Variants in MGAM observed in about 807,000 individuals in gnomAD.
The protein encoded by MGAM is maltase-glucoamylase, also known as alpha-1,4-glucosidase.
Under a neutral mutation model 358.8 loss-of-function variants are expected in MGAM, and 253 were observed. The observed-to-expected ratio is 0.71, with a 90% CI of 0.64 to 0.78. The LOEUF (loss-of-function observed/expected upper bound fraction) is 0.78, where lower values mean the gene tolerates loss of function less well. Among genes scored for constraint, MGAM ranks in the 30% least tolerant of loss-of-function variants. MGAM has a pLI of 0.00. For missense variants in MGAM, 3,080 were observed against 3,432.6 expected, an observed-to-expected ratio of 0.90 and a Z score of 2.57; for synonymous variants, 1,105 against 1,227.1, an observed-to-expected ratio of 0.90 and a Z score of 2.08.
chr7:142,081,749 A>G lies in MGAM; in HGVS notation c.6003-293A>G, dbSNP rs532269570. Among the ~76,000 whole-genome samples the G allele has an allele frequency of 3.5e-4, 51 of 145,726 alleles. 5 individuals carry two copies. The highest frequency in any genetic ancestry group is 3.6e-3 in the Middle Eastern group (1 of 280). On this transcript the variant is annotated intron_variant, in intron 50 of 70. Transcript: ENST00000475668. ...AATGCGCTGAGGGGTGCAAGGGTGGAAGGCAGTGCTGGTGTGGAGTGTTCC... is the reference window on the plus strand; with the variant it reads ...AATGCGCTGAGGGGTGCAAGGGTGGGAGGCAGTGCTGGTGTGGAGTGTTCC...
At chr7:142,097,536 G>C in intron 65 of MGAM, 57 bp from the exon 66 acceptor site, 1 of 1,532,972 alleles carries the variant, frequency 6.5e-7, no homozygotes, top group South Asian at 1.1e-5. Flanking sequence ...AAGTATTTTG[G>C]TTTCTCTGTC....
In MGAM at chr7:142,034,279, C is replaced by T; in HGVS notation, c.1687C>T (p.Leu563=). Reference sequence around the variant, plus strand: ...TGTTTCAGGAATCCTGGATGGGTACCTGTTCTGCAAGACTCTCTGTATGGA... The same window carrying T: ...TGTTTCAGGAATCCTGGATGGGTACTTGTTCTGCAAGACTCTCTGTATGGA... The part of the protein sequence containing the change: ...PFTPRILDGY[L]FCKTLCMDAV... Residue 563 remains leucine (L), a synonymous_variant, in exon 15 of 71, where the codon CTG becomes TTG. Transcript: ENST00000475668. 1 of 1,594,432 alleles carries T rather than the reference C, an allele frequency of 6.3e-7. No individual in the cohort carries two copies. The highest frequency in any genetic ancestry group is 8.5e-7 in the Non-Finnish European group (1 of 1,169,966).
intron 7 of MGAM, among the ~76,000 whole-genome samples, chr7:142,024,356 G>A (rs577759043): frequency 2.0e-5 from 3 of 151,536 alleles, no homozygotes; most frequent in Admixed American, 6.6e-5. Context: ...GGAGGTTACC[G>A]TGAGCCAAGA....
At position 142,078,233 on chromosome 7, in the gene MGAM, AAAAT is replaced by A. The variant is rs368614883; in HGVS notation, c.5494-69_5494-66del. ...TGGACTGATGTCTATTTGTTTTTCCAAAATAAATAAATAAATAAAGTCTTAGATT... is the reference window on the plus strand; with the variant it reads ...TGGACTGATGTCTATTTGTTTTTCCAAAATAAATAAATAAAGTCTTAGATT... On this transcript the variant is annotated intron_variant, in intron 47 of 70. Coordinates refer to ENST00000475668, the MANE Select transcript of MGAM (RefSeq NM_001365693.1). 133 of 1,121,510 alleles carry A rather than the reference AAAAT, an allele frequency of 1.2e-4. 1 individual carries two copies. The highest frequency in any genetic ancestry group is 2.0e-4 in the Middle Eastern group (1 of 4,918). 69.5% of individuals were successfully genotyped at this position (1,121,510 alleles called of 1,614,324 possible).
At position 142,084,532 on chromosome 7, in the gene MGAM, C is replaced by A. The variant is rs1160022772; in HGVS notation, c.6395C>A (p.Pro2132His). The A allele has an allele frequency of 6.4e-7, 1 of 1,555,440 alleles. No individual in the cohort carries two copies. Among genetic ancestry groups the A allele is most frequent in the Non-Finnish European group, 8.8e-7 (1 of 1,132,148 alleles). ...TQQYTELIGR[P>H]VMVPYWSLGF... ...TCTATTTTCTAGTTGATTGGCCGGC[C>A]TGTGATGGTACCTTACTGGTCTTTG... is the stretch of plus-strand genomic sequence containing the variant. Residue 2132 changes from proline to histidine, a missense_variant, in exon 54 of 71, where the codon CCT (proline) becomes CAT (histidine). Around this residue, in one of 5 missense-constraint regions of MGAM, gnomAD observed 932 missense variants for 1,198.2 expected, o/e 0.78. Transcript: ENST00000475668.
At chr7:142,056,363 C>T (rs1039749124) in intron 29 of MGAM, among the ~76,000 whole-genome samples, 2 of 152,206 alleles carry the variant, frequency 1.3e-5, no homozygotes, top group South Asian at 4.2e-4. Flanking sequence ...GAGGGCAGCT[C>T]GTGAGAGCCA....
At chr7:142,001,954 A>T (rs1804773457) in intron 1 of MGAM, among the ~76,000 whole-genome samples, 1 of 152,206 alleles carries the variant, frequency 6.6e-6, no homozygotes. Flanking sequence ...AAGAAATTGT[A>T]GTTTCATTTT....
At chr7:142,100,249 A>C (rs1295571988) in intron 67 of MGAM, among the ~76,000 whole-genome samples, 1 of 152,232 alleles carries the variant, frequency 6.6e-6, no homozygotes, top group African/African-American at 2.4e-5. Context: ...GGAAAACATA[A>C]ATTCTGTGAG....
rs1385657483 is a variant in MGAM at position 142,100,819 on chromosome 7, G to A, written c.7892G>A (p.Gly2631Asp). Reference protein sequence around the residue: ...NTHLSRQKFMGFKIALDDEGT... With the variant: ...NTHLSRQKFMDFKIALDDEGT... ...CACTGCAGCCGCCAGAAATTCATGG[G>A]CTTCAAAATTGCCTTGGATGATGAA... The change falls in exon 68 of 71, where the codon GGC (glycine) becomes GAC (aspartate). Residue 2631 changes from glycine (G) to aspartate (D), a missense_variant. By Grantham distance (94) the Gly-to-Asp change is moderately conservative. Around this residue, in one of 5 missense-constraint regions of MGAM, gnomAD observed 194 missense variants for 172.8 expected, o/e 1.12. Transcript: ENST00000475668. 1.2e-6 allele frequency: 2 copies of A among 1,612,388 alleles called. No homozygotes were observed. The highest frequency in any genetic ancestry group is 1.7e-6 in the Non-Finnish European group (2 of 1,179,340).
chr7:142,057,510 G>A (rs1381598035), intron 30 of MGAM, among the ~76,000 whole-genome samples: 1 of 144,402 alleles, frequency 6.9e-6, no homozygotes, highest in Non-Finnish European at 1.5e-5. Context: ...TGTGGTGATA[G>A]TGGTGATGGT....
In MGAM at chr7:142,085,966, G is replaced by A. The variant is rs1305178009; in HGVS notation, c.6636+5G>A. On this transcript the variant is annotated splice_donor_5th_base_variant and intron_variant, in intron 55 of 70. Coordinates refer to ENST00000475668, the MANE Select transcript of MGAM (RefSeq NM_001365693.1). ...ATGCGGGTCATCCTCATTCTGGTTA[G>A]TCCTGATGTGAATGTGTGCGGTCTG... 1 of 1,563,286 alleles carries A rather than the reference G, an allele frequency of 6.4e-7. No individual in the cohort carries two copies. The highest frequency in any genetic ancestry group is 2.3e-5 in the East Asian group (1 of 43,964).
In MGAM at chr7:142,074,115, C is replaced by A; in HGVS notation, c.5217C>A (p.Ala1739=). ...SRKNPLGLII[A]LDENKEAKGE... ...AGAACCCTCTTGGTCTTATTATTGCCCTAGATGAAAACAAAGAAGCAAAAG... is the reference window on the plus strand; with the variant it reads ...AGAACCCTCTTGGTCTTATTATTGCACTAGATGAAAACAAAGAAGCAAAAG... The change falls in exon 45 of 71, where the codon GCC becomes GCA. Residue 1739 remains alanine (A), a synonymous_variant. Transcript: ENST00000475668. 6.5e-7 allele frequency: 1 copy of A among 1,544,580 alleles called. No homozygotes were observed. The highest frequency in any genetic ancestry group is 8.9e-7 in the Non-Finnish European group (1 of 1,125,928).
intron 21 of MGAM, among the ~76,000 whole-genome samples, chr7:142,041,845 C>T (rs1423773506): frequency 1.6e-5 from 2 of 122,762 alleles, no homozygotes; most frequent in Non-Finnish European, 3.3e-5. Context: ...CTGCCACTTT[C>T]AAGTTTCTGG....
chr7:142,021,599 C>T lies in MGAM; in HGVS notation c.572C>T (p.Thr191Ile), dbSNP rs1040384722. Reference protein sequence around the residue: ...NRFHFKLTDQTNNRFEVPHEH... With the variant: ...NRFHFKLTDQINNRFEVPHEH... ...ATCTCTGCACAGTTGACTGACCAAA[C>T]CAATAACAGGTTTGAAGTGCCCCAC... Residue 191 changes from threonine to isoleucine, a missense_variant, in exon 6 of 71, where the codon ACC becomes ATC. Coordinates refer to ENST00000475668, the MANE Select transcript of MGAM (RefSeq NM_001365693.1). The T allele has an allele frequency of 2.5e-6, 4 of 1,613,842 alleles. No homozygotes were observed. The highest frequency in any genetic ancestry group is 3.4e-6 in the Non-Finnish European group (4 of 1,179,802).
rs749121609 is a variant in MGAM, at chr7:142,054,883, C to T, written c.3289C>T (p.Arg1097Cys). ...GAAGAATCCATTTGGGATTGAAATT[C>T]GCCGGAAGAGTACAGGCACTATAAT... is the stretch of plus-strand genomic sequence containing the variant. Reference protein sequence around the residue: ...IKKNPFGIEIRRKSTGTIIWD... With the variant: ...IKKNPFGIEICRKSTGTIIWD... Residue 1097 changes from arginine to cysteine, a missense_variant, in exon 27 of 71, where the codon CGC (arginine) becomes TGC (cysteine). Arg to Cys is a radical substitution (Grantham distance 180, BLOSUM62 -3). This residue lies in a region of MGAM where 1,816 missense variants were observed against 1,840.5 expected (regional missense o/e 0.99). Coordinates refer to ENST00000475668, the MANE Select transcript of MGAM (RefSeq NM_001365693.1). 11 of 1,613,858 alleles carry T rather than the reference C, an allele frequency of 6.8e-6. No individual in the cohort carries two copies. Among genetic ancestry groups the T allele is most frequent in the Admixed American group, 5.0e-5 (3 of 60,020 alleles).
At chr7:142,080,317 A>G (rs1814142513) in intron 49 of MGAM, among the ~76,000 whole-genome samples, 1 of 146,230 alleles carries the variant, frequency 6.8e-6, no homozygotes, top group African/African-American at 2.4e-5. Flanking sequence ...TCACATCCCT[A>G]GTGTCTTGTG....
intron 27 of MGAM, 55 bp downstream of exon 27, chr7:142,054,963 A>G (rs1232573073): frequency 6.3e-7 from 1 of 1,575,320 alleles, no homozygotes; most frequent in East Asian, 2.2e-5. Flanking sequence ...CTTCGCTGCC[A>G]GGTCCATTGT....
chr7:141,996,473 G>T (rs1366894719), intron 1 of MGAM, among the ~76,000 whole-genome samples: 1 of 152,092 alleles, frequency 6.6e-6, no homozygotes, highest in African/African-American at 2.4e-5. Flanking sequence ...CCTGATTGTA[G>T]TGAAACCTGT....
chr7:142,050,185 C>T (rs1425819745), intron 22 of MGAM, 50 bp from the exon 23 acceptor site: 4 of 1,582,816 alleles, frequency 2.5e-6, no homozygotes, highest in Non-Finnish European at 3.5e-6. Context: ...GAAATCTGTT[C>T]TTCTGAGGTG....
Sources: allele counts gnomAD v4.1 joint callset (sites outside exome capture counted in the v4.1 genomes callset), GRCh38; gene constraint gnomAD v4.1.1; regional missense constraint gnomAD v4.1.1; transcripts MANE v1.5; gene names NCBI Gene and HGNC (gene_info 2026-07-23, HGNC 2026-07-21).